The following SYT9 variants were observed in gnomAD, a reference collection of about 807,000 sequenced individuals.
The protein encoded by SYT9 is synaptotagmin 9.
SYT9 carries 22 observed loss-of-function variants against 48.4 expected under a neutral mutation model. The observed-to-expected ratio is 0.45, with a 90% CI of 0.32 to 0.65. The LOEUF is 0.65. Among genes scored for constraint, SYT9 ranks in the 30% least tolerant of loss-of-function variants. The pLI is 0.03. For synonymous variants in SYT9, 265 were observed against 245.0 expected, an observed-to-expected ratio of 1.08 and a Z score of -0.76; for missense variants, 577 against 622.0, an observed-to-expected ratio of 0.93 and a Z score of 0.77.
At chr11:7,273,645 G>A (rs1038371350) in intron 1 of SYT9, among the ~76,000 whole-genome samples, 3 of 152,090 alleles carry the variant, frequency 2.0e-5, no homozygotes, top group Admixed American at 1.3e-4. Context: ...GTATGAATGA[G>A]GTTTTGGGGT....
chr11:7,464,928 A>C (rs2134162016), intron 6 of SYT9, among the ~76,000 whole-genome samples: 1 of 148,720 alleles, frequency 6.7e-6, no homozygotes, highest in Non-Finnish European at 1.5e-5. Context: ...TAAAAATACA[A>C]AAAAAAAAAA....
chr11:7,314,716 A>G (rs556628270), intron 3 of SYT9, among the ~76,000 whole-genome samples: 16 of 152,240 alleles, frequency 1.1e-4, no homozygotes, highest in Non-Finnish European at 2.1e-4. Context: ...GAACATTCTT[A>G]GGTAACTCTG....
intron 6 of SYT9, among the ~76,000 whole-genome samples, chr11:7,448,253 G>C (rs1267591414): frequency 1.3e-5 from 2 of 152,260 alleles, no homozygotes; most frequent in African/African-American, 4.8e-5. Flanking sequence ...AAGGGCTTCA[G>C]AGCCATCTGG....
At chr11:7,251,132 A>ACACACCCACC (rs146134507), upstream of SYT9, among the ~76,000 whole-genome samples, 16 of 127,960 alleles carry the variant, frequency 1.3e-4, no homozygotes, top group African/African-American at 3.9e-4. Flanking sequence ...ACACACACAC[A>ACACACCCACC]CCCAGAGTAC....
chr11:7,457,237 T>G (rs1329838167), intron 6 of SYT9: 3 of 152,328 alleles, frequency 2.0e-5, no homozygotes, highest in Non-Finnish European at 4.4e-5. Flanking sequence ...CCTGTCTTTT[T>G]AGCATCTAAT....
At chr11:7,260,691 T>C (rs1210304571) in intron 1 of SYT9, among the ~76,000 whole-genome samples, 2 of 152,318 alleles carry the variant, frequency 1.3e-5, no homozygotes, top group African/African-American at 4.8e-5. Flanking sequence ...GGCAAATATG[T>C]TCTTTCTGTC....
intron 1 of SYT9, among the ~76,000 whole-genome samples, chr11:7,245,671 C>T (rs1185833132): frequency 6.6e-6 from 1 of 152,160 alleles, no homozygotes; most frequent in Non-Finnish European, 1.5e-5. Flanking sequence ...TGGCATCTGG[C>T]AAGGGCCTTC....
chr11:7,416,634 T>C (rs1056317898), intron 4 of SYT9, among the ~76,000 whole-genome samples: 2 of 152,218 alleles, frequency 1.3e-5, no homozygotes, highest in African/African-American at 2.4e-5. Context: ...TGATTAGGTA[T>C]TGTAAGCAAT....
At chr11:7,422,700 T>A (rs1847377392) in intron 6 of SYT9, among the ~76,000 whole-genome samples, 1 of 152,204 alleles carries the variant, frequency 6.6e-6, no homozygotes, top group African/African-American at 2.4e-5. Flanking sequence ...AGGTGTGTGG[T>A]GTAGGGCTGA....
chr11:7,241,321 C>T (rs1294276792), intron 1 of SYT9, among the ~76,000 whole-genome samples: 2 of 151,858 alleles, frequency 1.3e-5, no homozygotes, highest in African/African-American at 2.4e-5. Flanking sequence ...GAGAAACTTA[C>T]TGAGGTACTA....
Position 7,430,542 on chromosome 11 carries a change from AGC to A in SYT9, c.1467+9909_1467+9910del, listed in dbSNP as rs1185082422. 7.9e-5 allele frequency among the ~76,000 whole-genome samples: 12 copies of A among 152,294 alleles called. No homozygotes were observed. The South Asian group carries it at 1.7e-3, about 21-fold the overall frequency. ...TTCATATTAGTAAAGTTTACTAAAG[AGC>A]GGTCATAAAACCAATTAATATGGTT... is the stretch of plus-strand genomic sequence containing the variant. On this transcript the variant is annotated intron_variant, in intron 6 of 6. Transcript: ENST00000318881.
chr11:7,294,581 A>AC (rs1564850877), intron 1 of SYT9, among the ~76,000 whole-genome samples: 1 of 152,222 alleles, frequency 6.6e-6, no homozygotes, highest in East Asian at 1.9e-4. Context: ...AGAAAGAGGT[A>AC]ACAGGTCCTG....
At chr11:7,429,350 A>G (rs1451715502) in intron 6 of SYT9, among the ~76,000 whole-genome samples, 1 of 152,196 alleles carries the variant, frequency 6.6e-6, no homozygotes, top group African/African-American at 2.4e-5. Context: ...CTTGTTGGAT[A>G]TAAACAAAGC....
chr11:7,296,127 C>T (rs1245350622), intron 1 of SYT9, among the ~76,000 whole-genome samples: 1 of 152,206 alleles, frequency 6.6e-6, no homozygotes, highest in South Asian at 2.1e-4. Context: ...AACTTACATT[C>T]AGTGAGCACT....
At chr11:7,320,134 A>G (rs1001355547) in intron 3 of SYT9, among the ~76,000 whole-genome samples, 2 of 152,224 alleles carry the variant, frequency 1.3e-5, no homozygotes, top group Non-Finnish European at 2.9e-5. Flanking sequence ...AATCTAGCAG[A>G]TAAAGCTGAG....
At chr11:7,308,861 T>C (rs938348678) in intron 2 of SYT9, among the ~76,000 whole-genome samples, 2 of 152,192 alleles carry the variant, frequency 1.3e-5, no homozygotes, top group Non-Finnish European at 2.9e-5. Flanking sequence ...ATCGACATAG[T>C]TGGCTTTTCG....
In SYT9 at chr11:7,313,722, A is replaced by C. The variant is rs1052670147; in HGVS notation, c.825A>C (p.Lys275Asn). 3 of 1,614,186 alleles carry C rather than the reference A, an allele frequency of 1.9e-6. No individual in the cohort carries two copies. Among genetic ancestry groups the C allele is most frequent in the Admixed American group, 3.3e-5 (2 of 60,024 alleles). ...ATCGGAAAACAAAACACCAGACTAAAGTTCACAGAAAGACCCTGAACCCTG... is the reference window on the plus strand; with the variant it reads ...ATCGGAAAACAAAACACCAGACTAACGTTCACAGAAAGACCCTGAACCCTG... ...LPDRKTKHQT[K>N]VHRKTLNPVF... is the part of the protein sequence containing the mutation. Residue 275 changes from lysine (K) to asparagine (N), a missense_variant, in exon 3 of 7, where the codon AAA becomes AAC. By Grantham distance (94) the Lys-to-Asn change is moderately conservative. Coordinates refer to ENST00000318881, the MANE Select transcript of SYT9 (RefSeq NM_175733.4).
intron 6 of SYT9, among the ~76,000 whole-genome samples, chr11:7,455,370 G>A (rs11041394): frequency 0.2 from 27,609 of 139,290 alleles, 2,925 homozygotes; most frequent in Middle Eastern, 0.37. Flanking sequence ...TTCTTGCTCT[G>A]TCATCCAGGC....
chr11:7,437,182 A>G (rs756032605), intron 6 of SYT9, among the ~76,000 whole-genome samples: 1 of 152,140 alleles, frequency 6.6e-6, no homozygotes, highest in African/African-American at 2.4e-5. Flanking sequence ...TAAGTTTCTC[A>G]TTTCTCTGGC....
Sources: gnomAD v4.1 joint callset for allele counts (sites outside exome capture counted in the v4.1 genomes callset) on GRCh38, gnomAD v4.1.1 for gene constraint, MANE v1.5 for transcripts, NCBI Gene and HGNC (gene_info 2026-07-23, HGNC 2026-07-21) for gene names.